UBAP1L: variants seen among roughly 807,000 people sequenced by gnomAD.
The protein encoded by UBAP1L is ubiquitin associated protein 1 like, also known as ubiquitin-associated protein 1-like.
A neutral mutation model predicts 32.1 loss-of-function variants in UBAP1L; 32 were observed. The observed-to-expected ratio is 1.00, with a 90% CI of 0.75 to 1.34. The LOEUF is 1.34. Among genes scored for constraint, UBAP1L ranks in the 40% most tolerant of loss-of-function variants. The probability of loss-of-function intolerance (pLI) is 0.00; values close to 1 mark genes in which losing one functional copy is unlikely to be tolerated. For missense variants in UBAP1L, 516 were observed against 540.5 expected (o/e 0.95, Z 0.45); for synonymous variants, 243 against 250.2 (o/e 0.97, Z 0.27).
Position 65,104,939 on chromosome 15 carries a change from G to A in UBAP1L, c.120+1157C>T, listed in dbSNP as rs188986853. The A allele has an allele frequency of 7.6e-4, 308 of 403,460 alleles. 2 individuals are homozygous for A. Among genetic ancestry groups the A allele is most frequent in the South Asian group, 4.0e-3 (232 of 57,676 alleles). The allele number at this position is 403,460 out of a possible 1,614,324, so 25.0% of individuals were successfully genotyped here. A position where few individuals can be genotyped will look rare whatever the true frequency, so the allele number is the denominator to read the frequency against. On this transcript the variant is annotated intron_variant, in intron 2 of 5. Coordinates refer to ENST00000559089, the MANE Select transcript of UBAP1L (RefSeq NM_001163692.2). ...CGAGAATCACTTGAACCGAGGAGTCGGAGGTTGCAGTGAGCCGAGATTGCG... is the reference window on the plus strand; with the variant it reads ...CGAGAATCACTTGAACCGAGGAGTCAGAGGTTGCAGTGAGCCGAGATTGCG...
Position 65,106,149 on chromosome 15 carries a change from G to T in UBAP1L, c.67C>A (p.Pro23Thr). 6.4e-7 allele frequency: 1 copy of T among 1,550,854 alleles called. No individual in the cohort carries two copies. Among genetic ancestry groups the T allele is most frequent in the Non-Finnish European group, 8.7e-7 (1 of 1,146,752 alleles). Residue 23 changes from proline to threonine, a missense_variant, in exon 2 of 6, where the codon CCT becomes ACT. Pro to Thr is a conservative substitution (Grantham distance 38). Coordinates refer to ENST00000559089, the MANE Select transcript of UBAP1L (RefSeq NM_001163692.2). ...KGFVIGTEPL[P>T]GPELSVPACG... is the part of the protein sequence containing the mutation. Reference sequence around the variant, plus strand: ...GCCGGGACGCTGAGTTCTGGCCCAGGGAGAGGCTCTGTGCCTATCACAAAG... The same window carrying T: ...GCCGGGACGCTGAGTTCTGGCCCAGTGAGAGGCTCTGTGCCTATCACAAAG...
intron 4 of UBAP1L, chr15:65,098,797 C>CT (rs2087206405): frequency 6.6e-6 from 1 of 152,230 alleles, no homozygotes; most frequent in Non-Finnish European, 1.5e-5. Flanking sequence ...CACCTTAAAA[C>CT]TGCCAATCCA....
At chr15:65,110,430 C>A (rs2087361032) in intron 1 of UBAP1L, among the ~76,000 whole-genome samples, 1 of 150,848 alleles carries the variant, frequency 6.6e-6, no homozygotes, top group Non-Finnish European at 1.5e-5. Context: ...CTAATCCCAG[C>A]ACTCTGGGAG....
At position 65,093,810 on chromosome 15, in the gene UBAP1L, G is replaced by A. The variant is rs189240529; in HGVS notation, c.1012-579C>T. 1.1e-3 allele frequency among the ~76,000 whole-genome samples: 169 copies of A among 152,346 alleles called. 1 individual carries two copies. The highest frequency in any genetic ancestry group is 3.8e-3 in the African/African-American group (160 of 41,584). On this transcript the variant is annotated intron_variant, in intron 5 of 5. Transcript: ENST00000559089. The stretch of plus-strand genomic sequence containing the variant: ...TGTAATCCCAGCACTTTGGGAGGCC[G>A]AGGCGGGCGGATCACTTGAGATCAG...
At chr15:65,093,510 C>T (rs1460966009) in intron 5 of UBAP1L, among the ~76,000 whole-genome samples, 2 of 152,238 alleles carry the variant, frequency 1.3e-5, no homozygotes, top group Non-Finnish European at 2.9e-5. Flanking sequence ...TGTCAACTTT[C>T]TGCTGGGGCA....
chr15:65,097,746 C>G (rs1320890553), intron 4 of UBAP1L: 11 of 152,250 alleles, frequency 7.2e-5, no homozygotes, highest in African/African-American at 2.7e-4. Context: ...AGGGCATGAA[C>G]TGATGAACCC....
In UBAP1L at chr15:65,102,852, CTAACACTGTGGTCGATGGATACCAA is replaced by C. The variant is rs1325570628; in HGVS notation, c.121-193_121-169del. ...CAGCCCACTCTACCCTGGGTTTTAG[CTAACACTGTGGTCGATGGATACCAA>C]TAACAGTTTAATGGCAAACTGGCAT... On this transcript the variant is annotated intron_variant, in intron 2 of 5. Transcript: ENST00000559089. The surrounding 1 kb of genome is among the most constrained non-coding windows in gnomAD (Gnocchi z 5.0). Among the ~76,000 whole-genome samples the C allele has an allele frequency of 6.6e-6, 1 of 152,206 alleles. No individual in the cohort carries two copies. The highest frequency in any genetic ancestry group is 2.4e-5 in the African/African-American group (1 of 41,444).
intron 1 of UBAP1L, among the ~76,000 whole-genome samples, chr15:65,110,112 G>A (rs2140570954): frequency 6.6e-6 from 1 of 152,280 alleles, no homozygotes; most frequent in African/African-American, 2.4e-5. Context: ...TGTAATCCCA[G>A]CACTTTGGGA....
chr15:65,111,786 A>G (rs1566969986), intron 1 of UBAP1L, among the ~76,000 whole-genome samples: 16 of 151,400 alleles, frequency 1.1e-4, no homozygotes, highest in Admixed American at 7.2e-4. Context: ...TGCCCAGCCT[A>G]TATCTCTTTT....
At position 65,106,010 on chromosome 15, in the gene UBAP1L, T is replaced by C. The variant is rs1360651666; in HGVS notation, c.120+86A>G. The stretch of plus-strand genomic sequence containing the variant: ...TTTCACCATGTTGGCCAGGGCTAGC[T>C]GTCCTTTAAATTCAAGGAACAAGGC... On this transcript the variant is annotated intron_variant, in intron 2 of 5. Coordinates refer to ENST00000559089, the MANE Select transcript of UBAP1L (RefSeq NM_001163692.2). 8.6e-6 allele frequency: 13 copies of C among 1,515,186 alleles called. No homozygotes were observed. In the South Asian group the frequency reaches 1.4e-4, roughly 16 times the overall value. The allele number at this position is 1,515,186 out of a possible 1,614,324, so 93.9% of individuals were successfully genotyped here. A position where few individuals can be genotyped will look rare whatever the true frequency, so the allele number is the denominator to read the frequency against.
At chr15:65,099,761 A>G in intron 3 of UBAP1L, 47 bp from the exon 4 acceptor site, 6 of 1,490,556 alleles carry the variant, frequency 4.0e-6, no homozygotes, top group Non-Finnish European at 5.4e-6. Context: ...AGGAAGTGAC[A>G]CTCAGTTGGG....
At chr15:65,105,606 C>A in intron 2 of UBAP1L, 1 of 629,752 alleles carries the variant, frequency 1.6e-6, no homozygotes, top group South Asian at 1.5e-5. Context: ...TTTTCGTGTT[C>A]ACTTTAAGAA....
chr15:65,093,652 T>C (rs1327152942), intron 5 of UBAP1L, among the ~76,000 whole-genome samples: 1 of 152,160 alleles, frequency 6.6e-6, no homozygotes, highest in East Asian at 1.9e-4. Flanking sequence ...GGCTTGAAAC[T>C]TCCCCACCTC....
intron 2 of UBAP1L, chr15:65,105,025 A>AAAG (rs2087291806): frequency 1.3e-5 from 3 of 238,900 alleles, no homozygotes; most frequent in Admixed American, 1.1e-4. Flanking sequence ...AAAAAAAAAA[A>AAAG]AAAGAAAATT....
At chr15:65,093,317 C>T in intron 5 of UBAP1L, 86 bp from the exon 6 acceptor site, 1 of 1,419,206 alleles carries the variant, frequency 7.0e-7, no homozygotes, top group Admixed American at 3.0e-5. Context: ...GTGCCTACTG[C>T]ACCTAGTCCC....
At chr15:65,111,765 G>C (rs113772951) in intron 1 of UBAP1L, among the ~76,000 whole-genome samples, 6,224 of 151,962 alleles carry the variant, frequency 0.041, 435 homozygotes, top group African/African-American at 0.14. Context: ...GATTGCAGGT[G>C]TGAGCCACCA....
In UBAP1L at chr15:65,102,227, G is replaced by T; in HGVS notation, c.578C>A (p.Ser193Tyr). The T allele has an allele frequency of 8.1e-7, 1 of 1,240,100 alleles. No individual in the cohort carries two copies. The highest frequency in any genetic ancestry group is 2.8e-5 in the South Asian group (1 of 35,682). The allele number at this position is 1,240,100 out of a possible 1,614,324, so 76.8% of individuals were successfully genotyped here. ...CCCCGGGGGTGATGCAGACCTGGGG[G>T]ACTGCGCAGGGCTCGGGCACAGGCT... ...ALSLCPSPAQ[S>Y]PRSASPPGPA... The change falls in exon 3 of 6, where the codon TCC (serine) becomes TAC (tyrosine). Residue 193 changes from serine (S) to tyrosine (Y), a missense_variant. By Grantham distance (144) the Ser-to-Tyr change is moderately radical. Transcript: ENST00000559089. The surrounding 1 kb of genome is among the most constrained non-coding windows in gnomAD (Gnocchi z 5.0).
In UBAP1L at chr15:65,094,683, G is replaced by C; in HGVS notation, c.910-107C>G. 1.2e-6 allele frequency: 1 copy of C among 820,586 alleles called. No homozygotes were observed. The highest frequency in any genetic ancestry group is 2.0e-6 in the Non-Finnish European group (1 of 492,386). The allele number at this position is 820,586 out of a possible 1,614,324, so 50.8% of individuals were successfully genotyped here. ...GCCTGAGCTGAGGGCCAGGCAACAG[G>C]GCAAGCCACCACCTGCAGCGTGGCC... On this transcript the variant is annotated intron_variant, in intron 4 of 5. Coordinates refer to ENST00000559089, the MANE Select transcript of UBAP1L (RefSeq NM_001163692.2). The surrounding 1 kb of genome is among the most constrained non-coding windows in gnomAD (Gnocchi z 4.2).
chr15:65,112,907 C>T (rs2140573070), intron 1 of UBAP1L, among the ~76,000 whole-genome samples: 1 of 152,290 alleles, frequency 6.6e-6, no homozygotes, highest in African/African-American at 2.4e-5. Flanking sequence ...ATTTTTATCT[C>T]CTAAATCTCT....
Sources: gnomAD v4.1 joint callset for allele counts (sites outside exome capture counted in the v4.1 genomes callset) on GRCh38, gnomAD v4.1.1 for gene constraint, Gnocchi (gnomAD v3.1) non-coding constraint, MANE v1.5 for transcripts, NCBI Gene and HGNC (gene_info 2026-07-23, HGNC 2026-07-21) for gene names.